Variants in ARHGEF28 observed in about 807,000 individuals in gnomAD.
ARHGEF28 encodes 190 kDa guanine nucleotide exchange factor.
Under a neutral mutation model 206.6 loss-of-function variants are expected in ARHGEF28, and 152 were observed. The observed-to-expected ratio is 0.74, with a 90% CI of 0.64 to 0.84. ARHGEF28 has a LOEUF of 0.84. Ranked by LOEUF, ARHGEF28 falls within the 40% of genes least tolerant of loss-of-function variation. ARHGEF28 has a pLI of 0.00. For synonymous variants in ARHGEF28, 763 were observed against 776.4 expected (o/e 0.98, Z 0.29); for missense variants, 2,028 against 2,073.2 (o/e 0.98, Z 0.42).
At chr5:73,648,318 G>A (rs1744573655) in intron 1 of ARHGEF28, among the ~76,000 whole-genome samples, 1 of 152,090 alleles carries the variant, frequency 6.6e-6, no homozygotes, top group African/African-American at 2.4e-5. Flanking sequence ...CTTCTGTGGA[G>A]GGTGTTTCTG....
At chr5:73,879,204 C>T (rs1760742939) in intron 22 of ARHGEF28, among the ~76,000 whole-genome samples, 2 of 152,184 alleles carry the variant, frequency 1.3e-5, no homozygotes, top group African/African-American at 4.8e-5. Flanking sequence ...CCCTTCCTTC[C>T]AGCTGATCGC....
intron 10 of ARHGEF28, among the ~76,000 whole-genome samples, chr5:73,837,799 TG>T (rs957337645): frequency 6.6e-6 from 1 of 150,916 alleles, no homozygotes; most frequent in Non-Finnish European, 1.5e-5. Context: ...GGGAGTGCAA[TG>T]GTGCCATCTT....
In ARHGEF28 at chr5:73,846,386, G is replaced by T; in HGVS notation, c.1546G>T (p.Glu516Ter). ...SSRTGIPSGDELDSFETNTEP... is the reference protein window; with the variant it reads ...SSRTGIPSGD The stretch of plus-strand genomic sequence containing the variant: ...AAGAACTGGGATTCCTAGTGGGGAT[G>T]AATTGGACTCTTTTGAGACTAACAC... The change falls in exon 12 of 36, where the codon GAA becomes TAA. Residue 516 changes from glutamate to a stop codon, truncating the protein, a stop_gained. Transcript: ENST00000513042. LOFTEE classifies it high-confidence loss of function. 5.0e-6 allele frequency: 8 copies of T among 1,613,940 alleles called. No individual in the cohort carries two copies. The highest frequency in any genetic ancestry group is 6.8e-6 in the Non-Finnish European group (8 of 1,179,858).
In ARHGEF28 at chr5:73,922,698, C is replaced by G. The variant is rs558022888; in HGVS notation, c.4948+11123C>G. On this transcript the variant is annotated intron_variant, in intron 35 of 35. Transcript: ENST00000513042. Reference sequence around the variant, plus strand: ...TTCTGTTTTTGGAATGTTCTTATAACAAGAACATGGAAGTTTAATATATAT... The same window carrying G: ...TTCTGTTTTTGGAATGTTCTTATAAGAAGAACATGGAAGTTTAATATATAT... Among the ~76,000 whole-genome samples the G allele has an allele frequency of 4.5e-4, 69 of 152,218 alleles. 1 individual carries two copies. Among genetic ancestry groups the G allele is most frequent in the African/African-American group, 1.5e-3 (61 of 41,536 alleles).
At chr5:73,778,084 A>AG in intron 6 of ARHGEF28, 1 of 151,894 alleles carries the variant, frequency 6.6e-6, no homozygotes, top group African/African-American at 2.4e-5. Flanking sequence ...TCTAAAAAAA[A>AG]AAAAAAAATG....
intron 5 of ARHGEF28, among the ~76,000 whole-genome samples, chr5:73,775,307 G>C (rs549519204): frequency 2.6e-5 from 4 of 152,350 alleles, no homozygotes; most frequent in African/African-American, 9.6e-5. Flanking sequence ...GGGATTAGAA[G>C]TAGAGTGTAA....
intron 2 of ARHGEF28, among the ~76,000 whole-genome samples, chr5:73,749,051 G>A (rs1751891234): frequency 6.6e-6 from 1 of 152,178 alleles, no homozygotes; most frequent in African/African-American, 2.4e-5. Flanking sequence ...ACCTGAGGTG[G>A]CAGCTCCTCT....
chr5:73,654,477 G>A (rs986027265), intron 1 of ARHGEF28, among the ~76,000 whole-genome samples: 1 of 152,206 alleles, frequency 6.6e-6, no homozygotes, highest in African/African-American at 2.4e-5. Flanking sequence ...TGAATCTTTA[G>A]TCGTGGGCCT....
At chr5:73,920,852 G>A (rs1763485702) in intron 35 of ARHGEF28, among the ~76,000 whole-genome samples, 1 of 152,084 alleles carries the variant, frequency 6.6e-6, no homozygotes, top group Admixed American at 6.6e-5. Flanking sequence ...GGTACCCTGA[G>A]CTTTAGAAAT....
At chr5:73,638,865 G>T (rs1743885582) in intron 1 of ARHGEF28, among the ~76,000 whole-genome samples, 2 of 152,174 alleles carry the variant, frequency 1.3e-5, no homozygotes, top group Non-Finnish European at 2.9e-5. Context: ...CCTGCCAGGT[G>T]CCTGTTTTCT....
rs924944400 is a variant in ARHGEF28 at position 73,806,742 on chromosome 5, A to G, written c.1024+11351A>G. Among the ~76,000 whole-genome samples, 40 of 141,492 alleles carry G rather than the reference A, an allele frequency of 2.8e-4. 1 individual carries two copies. Among genetic ancestry groups the G allele is most frequent in the African/African-American group, 7.0e-4 (27 of 38,450 alleles). 92.8% of individuals were successfully genotyped at this position (141,492 alleles called of 152,430 possible). ...CGATATATCGTATACATCTATATGT[A>G]CCATATATACGATATATCGTATACA... is the stretch of plus-strand genomic sequence containing the variant. On this transcript the variant is annotated intron_variant, in intron 9 of 35. Coordinates refer to ENST00000513042, the MANE Select transcript of ARHGEF28 (RefSeq NM_001177693.2).
intron 5 of ARHGEF28, among the ~76,000 whole-genome samples, chr5:73,774,592 G>A (rs1324885023): frequency 2.0e-5 from 3 of 152,120 alleles, no homozygotes; most frequent in African/African-American, 7.2e-5. Flanking sequence ...CAATTTGGTG[G>A]TCATTATGGT....
chr5:73,737,502 C>CTT (rs1202906684), intron 2 of ARHGEF28, among the ~76,000 whole-genome samples: 2 of 93,270 alleles, frequency 2.1e-5, no homozygotes, highest in Non-Finnish European at 2.2e-5. Context: ...CTTTTCTTTT[C>CTT]TTTTCTTTTC....
chr5:73,668,598 T>TG (rs1476549951), intron 1 of ARHGEF28, among the ~76,000 whole-genome samples: 1 of 152,228 alleles, frequency 6.6e-6, no homozygotes, highest in Non-Finnish European at 1.5e-5. Context: ...CCATGCTTTT[T>TG]GGGGAACACA....
rs1398556031 is a variant in ARHGEF28 at position 73,894,496 on chromosome 5, A to G, written c.3762A>G (p.Leu1254=). 1.9e-6 allele frequency: 3 copies of G among 1,613,876 alleles called. No homozygotes were observed. Among genetic ancestry groups the G allele is most frequent in the Non-Finnish European group, 1.7e-6 (2 of 1,179,894 alleles). Residue 1254 remains leucine, a synonymous_variant, in exon 29 of 36, where the codon CTA becomes CTG. Coordinates refer to ENST00000513042, the MANE Select transcript of ARHGEF28 (RefSeq NM_001177693.2). The part of the protein sequence containing the change: ...GELSGFEDVH[L]EPHLLIKPDP... ...TGAGCGGATTTGAGGACGTCCATCT[A>G]GAGCCCCACCTCCTTATTAAACCTG...
Position 73,886,300 on chromosome 5 carries a change from C to T in ARHGEF28, c.3310+196C>T, listed in dbSNP as rs145255524. On this transcript the variant is annotated intron_variant, in intron 25 of 35. Transcript: ENST00000513042. Reference sequence around the variant, plus strand: ...AAATCTTTGGTGGGAGTTTGCTGCCCAAGCTAAAACCTTTATACATGTTTT... The same window carrying T: ...AAATCTTTGGTGGGAGTTTGCTGCCTAAGCTAAAACCTTTATACATGTTTT... Among the ~76,000 whole-genome samples the T allele has an allele frequency of 1.6e-3, 248 of 152,264 alleles. 1 individual carries two copies. The highest frequency in any genetic ancestry group is 5.6e-3 in the African/African-American group (233 of 41,544).
At chr5:73,639,552 T>G (rs1417302152) in intron 1 of ARHGEF28, among the ~76,000 whole-genome samples, 2 of 152,160 alleles carry the variant, frequency 1.3e-5, no homozygotes, top group African/African-American at 2.4e-5. Flanking sequence ...CAGTGAATTG[T>G]TAGCCATAGT....
At chr5:73,765,463 C>G (rs556116319) in intron 4 of ARHGEF28, among the ~76,000 whole-genome samples, 1 of 152,338 alleles carries the variant, frequency 6.6e-6, no homozygotes, top group African/African-American at 2.4e-5. Flanking sequence ...AGTCAATACT[C>G]CACAGTGCAT....
chr5:73,805,838 C>T (rs1755403077), intron 9 of ARHGEF28, among the ~76,000 whole-genome samples: 1 of 151,892 alleles, frequency 6.6e-6, no homozygotes, highest in Non-Finnish European at 1.5e-5. Context: ...GGAACCACAC[C>T]CCAGAAGCAT....
Sources: gnomAD v4.1 joint callset for allele counts (sites outside exome capture counted in the v4.1 genomes callset) on GRCh38, gnomAD v4.1.1 for gene constraint, MANE v1.5 for transcripts, NCBI Gene and HGNC (gene_info 2026-07-23, HGNC 2026-07-21) for gene names.